The following NCOA2 variants were observed in gnomAD, a reference collection of about 807,000 sequenced individuals.
NCOA2 encodes the protein class E basic helix-loop-helix protein 75.
A neutral mutation model predicts 145.1 loss-of-function variants in NCOA2; 21 were observed. The ratio of observed to expected loss-of-function variants is 0.14; its 90% CI spans 0.10 to 0.21. The LOEUF is 0.21. Among genes scored for constraint, NCOA2 ranks in the 10% least tolerant of loss-of-function variants. NCOA2 has a pLI of 1.00. For synonymous variants in NCOA2, 619 were observed against 637.5 expected, an observed-to-expected ratio of 0.97 and a Z score of 0.44; for missense variants, 1,472 against 1,837.6, an observed-to-expected ratio of 0.80 and a Z score of 3.64.
intron 1 of NCOA2, among the ~76,000 whole-genome samples, chr8:70,305,046 A>ATTC (rs1336219594): frequency 7.4e-6 from 1 of 134,592 alleles, no homozygotes; most frequent in African/African-American, 2.9e-5. Flanking sequence ...TTATTTATTC[A>ATTC]TTCTTTTTTT....
intron 4 of NCOA2, among the ~76,000 whole-genome samples, chr8:70,176,684 T>A (rs1020706147): frequency 6.6e-6 from 1 of 152,246 alleles, no homozygotes; most frequent in Non-Finnish European, 1.5e-5. Flanking sequence ...CTAAGAATGT[T>A]GATTTCTCCT....
At chr8:70,250,588 T>C (rs758435945) in intron 2 of NCOA2, among the ~76,000 whole-genome samples, 6 of 151,950 alleles carry the variant, frequency 3.9e-5, no homozygotes, top group Non-Finnish European at 7.4e-5. Flanking sequence ...CAAAAATGTT[T>C]ATATAACTTC....
chr8:70,114,447 T>C (rs1359245668), intron 22 of NCOA2, among the ~76,000 whole-genome samples: 2 of 152,236 alleles, frequency 1.3e-5, no homozygotes, highest in African/African-American at 4.8e-5. Flanking sequence ...AATATATCTG[T>C]CAATGATTTT....
rs114447256 is a variant in NCOA2 at position 70,385,319 on chromosome 8, G to A, written c.-77+18381C>T. ...AGCGAACATTTACAAAAATTGGGGC[G>A]CAAGGTCACACTTGTTTAAGTGATG... On this transcript the variant is annotated intron_variant, in intron 1 of 22. Coordinates refer to ENST00000452400, the MANE Select transcript of NCOA2 (RefSeq NM_006540.4). Among the ~76,000 whole-genome samples, 1,419 of 152,288 alleles carry A rather than the reference G, an allele frequency of 9.3e-3. 23 individuals are homozygous for A. Among genetic ancestry groups the A allele is most frequent in the African/African-American group, 0.032 (1,321 of 41,564 alleles).
chr8:70,386,949 C>T (rs183830326), intron 1 of NCOA2, among the ~76,000 whole-genome samples: 42 of 152,120 alleles, frequency 2.8e-4, no homozygotes, highest in Middle Eastern at 3.4e-3. Context: ...CTGACTCTGT[C>T]GCCCAGGCTA....
At chr8:70,403,584 C>T (rs191759280) in intron 1 of NCOA2, 116 bp downstream of exon 1, 3,467 of 315,158 alleles carry the variant, frequency 0.011, 139 homozygotes, top group African/African-American at 0.071. Flanking sequence ...AGGCGCACGG[C>T]TCTGTCGGAG....
rs149263659 is a variant in NCOA2, at chr8:70,163,877, A to G, written c.731-311T>C. ...AATAATCTGAAACCCTCTCTCCAGCAGTAGAAAAAAAAATGAAATCCTTTC... is the reference window on the plus strand; with the variant it reads ...AATAATCTGAAACCCTCTCTCCAGCGGTAGAAAAAAAAATGAAATCCTTTC... On this transcript the variant is annotated intron_variant, in intron 7 of 22. Coordinates refer to ENST00000452400, the MANE Select transcript of NCOA2 (RefSeq NM_006540.4). Among the ~76,000 whole-genome samples the G allele has an allele frequency of 7.0e-3, 1,061 of 152,326 alleles. 7 individuals are homozygous for G. Among genetic ancestry groups the G allele is most frequent in the Non-Finnish European group, 0.012 (805 of 68,036 alleles).
intron 14 of NCOA2, among the ~76,000 whole-genome samples, chr8:70,138,662 G>A (rs1402156478): frequency 6.6e-6 from 1 of 152,160 alleles, no homozygotes; most frequent in South Asian, 2.1e-4. Context: ...AAAAAGTGTA[G>A]ATTCATTTAA....
intron 2 of NCOA2, among the ~76,000 whole-genome samples, chr8:70,239,950 C>T (rs1398791726): frequency 1.3e-5 from 2 of 152,174 alleles, no homozygotes; most frequent in Admixed American, 1.3e-4. Context: ...CTACTACAGT[C>T]AACAAGTTCA....
intron 22 of NCOA2, among the ~76,000 whole-genome samples, chr8:70,115,080 T>C (rs917859265): frequency 1.3e-5 from 2 of 152,236 alleles, no homozygotes; most frequent in African/African-American, 2.4e-5. Context: ...ATGGTGCTGA[T>C]TAAAATATGA....
chr8:70,291,615 T>G (rs76928392), intron 2 of NCOA2, among the ~76,000 whole-genome samples: 29 of 152,316 alleles, frequency 1.9e-4, no homozygotes, highest in African/African-American at 4.6e-4. Context: ...AGAATGAAGA[T>G]TGCCTGGACT....
At chr8:70,407,258 A>G (rs138569375), upstream of NCOA2, among the ~76,000 whole-genome samples, 336 of 152,346 alleles carry the variant, frequency 2.2e-3, 6 homozygotes, top group Non-Finnish European at 5.0e-4. Flanking sequence ...GCTCTCTTCT[A>G]AATCCCTTAA....
intron 1 of NCOA2, among the ~76,000 whole-genome samples, chr8:70,336,410 A>T (rs1807591399): frequency 6.6e-6 from 1 of 152,158 alleles, no homozygotes; most frequent in African/African-American, 2.4e-5. Context: ...CTTCTTTTTT[A>T]AAGGTAATTA....
intron 2 of NCOA2, among the ~76,000 whole-genome samples, chr8:70,251,198 C>T (rs1427402858): frequency 6.6e-6 from 1 of 152,126 alleles, no homozygotes; most frequent in African/African-American, 2.4e-5. Context: ...AAAGGCCCAA[C>T]TGTGCTAAGC....
Position 70,138,121 on chromosome 8 carries a change from C to A in NCOA2, c.3158+82G>T. The A allele has an allele frequency of 2.8e-6, 4 of 1,443,498 alleles. No individual in the cohort carries two copies. In the South Asian group the frequency reaches 4.1e-5, roughly 15 times the overall value. 89.4% of individuals were successfully genotyped at this position (1,443,498 alleles called of 1,614,324 possible). A position where few individuals can be genotyped will look rare whatever the true frequency, so the allele number is the denominator to read the frequency against. On this transcript the variant is annotated intron_variant, in intron 15 of 22. Coordinates refer to ENST00000452400, the MANE Select transcript of NCOA2 (RefSeq NM_006540.4). ...ATAGTACCAATAAATGAAAACTGGT[C>A]AGGCACCGACTACTCCAAAGGAAAA... is the stretch of plus-strand genomic sequence containing the variant.
At chr8:70,114,977 GAGA>G (rs1209163156) in intron 22 of NCOA2, among the ~76,000 whole-genome samples, 1 of 152,106 alleles carries the variant, frequency 6.6e-6, no homozygotes, top group African/African-American at 2.4e-5. Context: ...TTACTTCTCA[GAGA>G]AGAACATTTA....
chr8:70,142,880 A>G (rs1165449770), intron 13 of NCOA2, among the ~76,000 whole-genome samples: 2 of 152,156 alleles, frequency 1.3e-5, no homozygotes, highest in African/African-American at 4.8e-5. Flanking sequence ...AAAAAAGAGA[A>G]TGATCCATAA....
chr8:70,200,756 CAAA>C (rs943744791), intron 4 of NCOA2, among the ~76,000 whole-genome samples: 14 of 152,016 alleles, frequency 9.2e-5, no homozygotes, highest in Non-Finnish European at 1.6e-4. Context: ...GATGGTTACA[CAAA>C]AATGTGAATG....
At chr8:70,430,960 A>G in the NCOA2 span, among the ~76,000 whole-genome samples, 1 of 152,218 alleles carries the variant, frequency 6.6e-6, no homozygotes, top group Non-Finnish European at 1.5e-5. Flanking sequence ...AATCTGGCCA[A>G]AAATGAAGGT....
Sources: gnomAD v4.1 joint callset for allele counts (sites outside exome capture counted in the v4.1 genomes callset) on GRCh38, gnomAD v4.1.1 for gene constraint, MANE v1.5 for transcripts, NCBI Gene and HGNC (gene_info 2026-07-23, HGNC 2026-07-21) for gene names.